The following SLC27A6 variants were observed in gnomAD, a reference collection of about 807,000 sequenced individuals.
SLC27A6 encodes the protein solute carrier family 27 member 6.
Under a neutral mutation model 63.9 loss-of-function variants are expected in SLC27A6, and 74 were observed. The ratio of observed to expected loss-of-function variants is 1.16; its 90% CI spans 0.96 to 1.40. The LOEUF (loss-of-function observed/expected upper bound fraction) is 1.40. SLC27A6 is among the 40% of genes most tolerant of loss of function. SLC27A6 has a pLI of 0.00. For synonymous variants in SLC27A6, 287 were observed against 260.8 expected (o/e 1.10, Z -0.97); for missense variants, 794 against 732.9 (o/e 1.08, Z -0.96).
At chr5:128,968,672 C>T (rs572070921) in intron 1 of SLC27A6, among the ~76,000 whole-genome samples, 44 of 152,276 alleles carry the variant, frequency 2.9e-4, no homozygotes, top group Non-Finnish European at 5.1e-4. Flanking sequence ...AGCCATTTGT[C>T]AGATGGGTAG....
intron 4 of SLC27A6, among the ~76,000 whole-genome samples, chr5:128,995,380 A>G (rs539385569): frequency 3.9e-5 from 6 of 152,224 alleles, no homozygotes; most frequent in African/African-American, 1.4e-4. Flanking sequence ...GACACACAGG[A>G]CAAATCAGAC....
At chr5:129,014,979 G>T (rs1247859849) in intron 4 of SLC27A6, among the ~76,000 whole-genome samples, 1 of 152,154 alleles carries the variant, frequency 6.6e-6, no homozygotes, top group African/African-American at 2.4e-5. Flanking sequence ...GGTGTTTAGA[G>T]AAACTGAAAT....
At chr5:128,984,771 C>T (rs1750728013) in intron 1 of SLC27A6, among the ~76,000 whole-genome samples, 1 of 152,196 alleles carries the variant, frequency 6.6e-6, no homozygotes, top group Admixed American at 6.5e-5. Flanking sequence ...TAACTAGCTA[C>T]TGAGTTGTAC....
In SLC27A6 at chr5:129,013,783, T is replaced by C. The variant is rs569921793; in HGVS notation, c.970-2102T>C. Among the ~76,000 whole-genome samples, 80 of 152,302 alleles carry C rather than the reference T, an allele frequency of 5.3e-4. 1 individual carries two copies. The highest frequency in any genetic ancestry group is 1.7e-3 in the African/African-American group (72 of 41,580). On this transcript the variant is annotated intron_variant, in intron 4 of 9. Coordinates refer to ENST00000262462, the MANE Select transcript of SLC27A6 (RefSeq NM_001017372.3). ...CTTCTCCATTCATTTTATTATTCTA[T>C]AGGGCTCCACTTGTAGGTATTTTTG... is the stretch of plus-strand genomic sequence containing the variant.
At chr5:129,026,614 G>A (rs192020653) in intron 6 of SLC27A6, among the ~76,000 whole-genome samples, 9 of 152,160 alleles carry the variant, frequency 5.9e-5, no homozygotes, top group East Asian at 1.9e-4. Flanking sequence ...TTCTCTGAGC[G>A]TGGCAACTAT....
intron 2 of SLC27A6, among the ~76,000 whole-genome samples, chr5:128,985,794 A>G (rs144158306): frequency 6.9e-4 from 105 of 152,326 alleles, no homozygotes; most frequent in African/African-American, 2.2e-3. Flanking sequence ...ACAGTTCTCT[A>G]TATTCCTGTG....
At chr5:129,022,052 T>C (rs759430728) in intron 5 of SLC27A6, among the ~76,000 whole-genome samples, 1 of 152,186 alleles carries the variant, frequency 6.6e-6, no homozygotes, top group Non-Finnish European at 1.5e-5. Context: ...GCCAAGATGA[T>C]AAAGGCAGTC....
intron 1 of SLC27A6, among the ~76,000 whole-genome samples, chr5:128,975,173 A>C (rs1486661149): frequency 6.6e-6 from 1 of 152,186 alleles, no homozygotes; most frequent in African/African-American, 2.4e-5. Flanking sequence ...CAACATGGCA[A>C]AACCCCGTCT....
chr5:128,996,760 A>G (rs912476381), intron 4 of SLC27A6, among the ~76,000 whole-genome samples: 1 of 143,610 alleles, frequency 7.0e-6, no homozygotes, highest in Non-Finnish European at 1.5e-5. Flanking sequence ...TCATATCTAG[A>G]TATGATATGG....
chr5:128,973,557 G>T (rs558072234), intron 1 of SLC27A6, among the ~76,000 whole-genome samples: 1 of 152,190 alleles, frequency 6.6e-6, no homozygotes, highest in East Asian at 1.9e-4. Flanking sequence ...GCAAGGCTTC[G>T]TGGGTGTGGG....
Position 128,990,396 on chromosome 5 carries a change from A to G in SLC27A6, c.901A>G (p.Lys301Glu). The G allele has an allele frequency of 6.2e-7, 1 of 1,614,008 alleles. No homozygotes were observed. The highest frequency in any genetic ancestry group is 8.5e-7 in the Non-Finnish European group (1 of 1,179,904). The change falls in exon 4 of 10, where the codon AAG becomes GAG. Residue 301 changes from lysine (K) to glutamate (E), a missense_variant. Physicochemically the swap from Lys to Glu is moderately conservative, Grantham distance 56. Transcript: ENST00000262462. ...FSASQFWSDC[K>E]KYDVTVFQYI... ...AGCAAGCCAGTTTTGGAGTGACTGC[A>G]AGAAGTATGATGTGACTGTGTTTCA...
At chr5:128,970,609 C>T (rs1750110033) in intron 1 of SLC27A6, among the ~76,000 whole-genome samples, 6 of 152,042 alleles carry the variant, frequency 3.9e-5, no homozygotes, top group Admixed American at 2.0e-4. Context: ...GTTGTATCCC[C>T]TTTATCATTT....
chr5:128,979,838 G>A (rs935798993), intron 1 of SLC27A6, among the ~76,000 whole-genome samples: 1 of 152,032 alleles, frequency 6.6e-6, no homozygotes, highest in African/African-American at 2.4e-5. Flanking sequence ...ATATATTCAG[G>A]GCAGTTAAAT....
At chr5:129,007,850 A>G (rs1751596416) in intron 4 of SLC27A6, among the ~76,000 whole-genome samples, 1 of 152,180 alleles carries the variant, frequency 6.6e-6, no homozygotes, top group Non-Finnish European at 1.5e-5. Flanking sequence ...AGAACAATGT[A>G]GCAGTTCAAA....
chr5:128,975,758 C>A (rs2526254), intron 1 of SLC27A6, among the ~76,000 whole-genome samples: 109,818 of 152,060 alleles, frequency 0.72, 39,682 homozygotes, highest in East Asian at 0.88. Flanking sequence ...CAGACTTGCC[C>A]CTTCTGTAAG....
At chr5:128,996,297 G>A (rs1447900030) in intron 4 of SLC27A6, among the ~76,000 whole-genome samples, 2 of 150,484 alleles carry the variant, frequency 1.3e-5, no homozygotes, top group South Asian at 2.1e-4. Context: ...TATTAGGAAT[G>A]CATTTTCTAA....
rs569920098 is a variant in SLC27A6, at chr5:129,007,442, TAAAA to T, written c.970-8423_970-8420del. On this transcript the variant is annotated intron_variant, in intron 4 of 9. Coordinates refer to ENST00000262462, the MANE Select transcript of SLC27A6 (RefSeq NM_001017372.3). ...TGGGCGACAGAGCGAGACTCAGTCTTAAAAAAAAAAAAAAAAAAAAAAATATAAT... is the reference window on the plus strand; with the variant it reads ...TGGGCGACAGAGCGAGACTCAGTCTTAAAAAAAAAAAAAAAAAAATATAAT... Among the ~76,000 whole-genome samples, 698 of 104,254 alleles carry T rather than the reference TAAAA, an allele frequency of 6.7e-3. 5 individuals carry two copies. The highest frequency in any genetic ancestry group is 0.022 in the African/African-American group (624 of 28,156). The allele number at this position is 104,254 out of a possible 152,430, so 68.4% of individuals were successfully genotyped here.
chr5:128,986,478 T>C (rs1218880351), intron 2 of SLC27A6, among the ~76,000 whole-genome samples: 3 of 152,242 alleles, frequency 2.0e-5, no homozygotes, highest in African/African-American at 7.2e-5. Context: ...TTCTTGTGCA[T>C]AGGTTGTGAG....
At chr5:128,985,485 C>A in intron 2 of SLC27A6, 149 bp downstream of exon 2, 1 of 632,158 alleles carries the variant, frequency 1.6e-6, no homozygotes, top group Non-Finnish European at 2.8e-6. Flanking sequence ...TAGAACTTTC[C>A]AACTTGGATG....
Sources: gnomAD v4.1 joint callset for allele counts (sites outside exome capture counted in the v4.1 genomes callset) on GRCh38, gnomAD v4.1.1 for gene constraint, MANE v1.5 for transcripts, NCBI Gene and HGNC (gene_info 2026-07-23, HGNC 2026-07-21) for gene names.